Variants in PHKB observed in about 807,000 individuals in gnomAD.
The protein encoded by PHKB is phosphorylase kinase regulatory subunit beta.
Under a neutral mutation model 152.1 loss-of-function variants are expected in PHKB, and 122 were observed. The ratio of observed to expected loss-of-function variants is 0.80; its 90% CI spans 0.69 to 0.93. The LOEUF (loss-of-function observed/expected upper bound fraction) is 0.93. Among genes scored for constraint, PHKB ranks in the 40% least tolerant of loss-of-function variants. The pLI is 0.00. For missense variants in PHKB, 1,304 were observed against 1,328.4 expected, an observed-to-expected ratio of 0.98 and a Z score of 0.29; for synonymous variants, 436 against 464.9, an observed-to-expected ratio of 0.94 and a Z score of 0.80.
intron 14 of PHKB, among the ~76,000 whole-genome samples, chr16:47,626,340 G>A (rs552160912): frequency 5.9e-5 from 9 of 152,304 alleles, no homozygotes; most frequent in Admixed American, 4.6e-4. Context: ...ACCCAGTGAT[G>A]ATAAATCTTG....
In PHKB at chr16:47,698,567, G is replaced by T. The variant is rs1370296992; in HGVS notation, c.3123G>T (p.Arg1041=). ...AFNEFQKDQS[R]LKEIEKQDDM... is the part of the protein sequence containing the mutation. ...ATGAATTTCAAAAAGATCAGAGTCG[G>T]CTAAAGGAAATTGAAAAACAAGTAA... Residue 1041 remains arginine, a synonymous_variant, in exon 30 of 31, where the codon CGG becomes CGT. Coordinates refer to ENST00000323584, the MANE Select transcript of PHKB (RefSeq NM_000293.3). The T allele has an allele frequency of 6.4e-7, 1 of 1,568,932 alleles. No homozygotes were observed. Among genetic ancestry groups the T allele is most frequent in the Non-Finnish European group, 8.7e-7 (1 of 1,148,900 alleles).
At chr16:47,502,584 C>A (rs1039728803) in intron 3 of PHKB, among the ~76,000 whole-genome samples, 2 of 152,178 alleles carry the variant, frequency 1.3e-5, no homozygotes, top group African/African-American at 4.8e-5. Flanking sequence ...CTTGTGGCTG[C>A]TACTTAAATC....
chr16:47,641,106 G>A lies in PHKB; in HGVS notation c.1514+16G>A, dbSNP rs550864661. 6.3e-5 allele frequency: 101 copies of A among 1,611,290 alleles called. No homozygotes were observed. The highest frequency in any genetic ancestry group is 7.6e-5 in the Non-Finnish European group (90 of 1,177,486). On this transcript the variant is annotated intron_variant, in intron 15 of 30. Transcript: ENST00000323584. ...AAAGCCAAAGGTATGAAATCCAAGT[G>A]GGTGGTGTGTTTTTTTGTGGGGAGG...
chr16:47,652,671 G>T (rs1973258926), intron 20 of PHKB, among the ~76,000 whole-genome samples: 1 of 151,936 alleles, frequency 6.6e-6, no homozygotes, highest in South Asian at 2.1e-4. Context: ...GAGAGACAGG[G>T]TCTCGCTCTG....
At chr16:47,569,127 C>T (rs1413235488) in intron 7 of PHKB, among the ~76,000 whole-genome samples, 2 of 152,116 alleles carry the variant, frequency 1.3e-5, no homozygotes, top group African/African-American at 4.8e-5. Flanking sequence ...GTTGAAGTCT[C>T]CTACTATTAT....
chr16:47,619,346 A>G (rs1972577364), intron 14 of PHKB: 1 of 152,214 alleles, frequency 6.6e-6, no homozygotes, highest in Non-Finnish European at 1.5e-5. Context: ...ATAGGAACAC[A>G]GTTGCACCGG....
intron 1 of PHKB, among the ~76,000 whole-genome samples, chr16:47,479,596 G>A (rs1463432262): frequency 5.9e-5 from 9 of 152,016 alleles, no homozygotes; most frequent in Admixed American, 5.2e-4. Flanking sequence ...GGCCCTTGCT[G>A]CCTGTGGATG....
chr16:47,480,659 T>C (rs925574706), intron 1 of PHKB, among the ~76,000 whole-genome samples: 1 of 152,228 alleles, frequency 6.6e-6, no homozygotes, highest in Non-Finnish European at 1.5e-5. Context: ...ATAAGCTGAG[T>C]ACCTTCAATA....
At chr16:47,630,657 G>A (rs1972811694) in intron 14 of PHKB, among the ~76,000 whole-genome samples, 1 of 152,150 alleles carries the variant, frequency 6.6e-6, no homozygotes. Flanking sequence ...AATTTTACAT[G>A]TCAACTTGTC....
intron 14 of PHKB, among the ~76,000 whole-genome samples, chr16:47,632,254 T>C (rs906381794): frequency 1.3e-5 from 2 of 152,220 alleles, no homozygotes; most frequent in African/African-American, 2.4e-5. Flanking sequence ...ACCTGATGTT[T>C]AATGGTGCCA....
At chr16:47,602,861 C>T (rs1477854409) in intron 13 of PHKB, among the ~76,000 whole-genome samples, 1 of 152,068 alleles carries the variant, frequency 6.6e-6, no homozygotes, top group African/African-American at 2.4e-5. Context: ...TTTATAGAGG[C>T]CTACTCTTTG....
Position 47,699,517 on chromosome 16 carries a change from A to C in PHKB, c.*151A>C. On this transcript the variant is annotated 3_prime_UTR_variant, in exon 31 of 31. Coordinates refer to ENST00000323584, the MANE Select transcript of PHKB (RefSeq NM_000293.3). ...CTTGGCGGGGTTATGGACCTCTTGC[A>C]TGTCATAGCCAATCTAACGGTAATG... The C allele has an allele frequency of 2.4e-6, 2 of 840,064 alleles. No homozygotes were observed. The highest frequency in any genetic ancestry group is 4.1e-6 in the Non-Finnish European group (2 of 481,996). The allele number at this position is 840,064 out of a possible 1,614,324, so 52.0% of individuals were successfully genotyped here.
intron 6 of PHKB, 52 bp downstream of exon 6, chr16:47,515,653 A>G (rs745837676): frequency 1.3e-5 from 8 of 631,958 alleles, no homozygotes; most frequent in South Asian, 3.6e-5. Context: ...GAAAATATCT[A>G]TTTTTTTTTT....
intron 7 of PHKB, among the ~76,000 whole-genome samples, chr16:47,557,202 C>G (rs1971389137): frequency 6.6e-6 from 1 of 152,262 alleles, no homozygotes; most frequent in South Asian, 2.1e-4. Flanking sequence ...GAAACTGGAT[C>G]CCTTCCTTAC....
chr16:47,661,620 G>T (rs1597159174), intron 22 of PHKB, 99 bp from the exon 23 acceptor site: 1 of 773,922 alleles, frequency 1.3e-6, no homozygotes, highest in East Asian at 2.5e-5. Context: ...ATAGTAAAGT[G>T]TTTCTTCTCT....
At position 47,477,012 on chromosome 16, in the gene PHKB, C is replaced by T. The variant is rs553996706; in HGVS notation, c.76+15586C>T. ...CCTGGCAGTTCCCAGGAGGGTCACT[C>T]TCTTTCTGGCTTCTGCACCTTTATC... On this transcript the variant is annotated intron_variant, in intron 1 of 30. Transcript: ENST00000323584. 3.3e-5 allele frequency among the ~76,000 whole-genome samples: 5 copies of T among 152,342 alleles called. No individual in the cohort carries two copies. In the South Asian group the frequency reaches 6.2e-4, roughly 19 times the overall value.
intron 13 of PHKB, among the ~76,000 whole-genome samples, chr16:47,601,344 A>G (rs142476967): frequency 7.2e-5 from 11 of 152,330 alleles, no homozygotes; most frequent in African/African-American, 2.4e-4. Context: ...AGGCCATTAT[A>G]TAACTTTAAT....
chr16:47,606,927 C>T (rs1972335248), intron 13 of PHKB, among the ~76,000 whole-genome samples: 1 of 152,032 alleles, frequency 6.6e-6, no homozygotes, highest in Non-Finnish European at 1.5e-5. Context: ...CAAAAGTTGC[C>T]ATAAGGAACT....
rs372327608 is a variant in PHKB at position 47,698,566 on chromosome 16, G to A, written c.3122G>A (p.Arg1041Gln). ...AATGAATTTCAAAAAGATCAGAGTC[G>A]GCTAAAGGAAATTGAAAAACAAGTA... ...AFNEFQKDQS[R>Q]LKEIEKQDDM... Residue 1041 changes from arginine to glutamine, a missense_variant, in exon 30 of 31, where the codon CGG becomes CAG. Physicochemically the swap from Arg to Gln is conservative, Grantham distance 43 (BLOSUM62 1). Coordinates refer to ENST00000323584, the MANE Select transcript of PHKB (RefSeq NM_000293.3). 3.6e-5 allele frequency: 58 copies of A among 1,595,220 alleles called. No individual in the cohort carries two copies. The highest frequency in any genetic ancestry group is 2.5e-4 in the Admixed American group (15 of 59,336).
Sources: allele counts gnomAD v4.1 joint callset (sites outside exome capture counted in the v4.1 genomes callset), GRCh38; gene constraint gnomAD v4.1.1; transcripts MANE v1.5; gene names NCBI Gene and HGNC (gene_info 2026-07-23, HGNC 2026-07-21).